The following TNR variants were observed in gnomAD, a reference collection of about 807,000 sequenced individuals.
TNR encodes the protein tenascin-R.
A neutral mutation model predicts 150.4 loss-of-function variants in TNR; 45 were observed. The observed-to-expected ratio is 0.30, with a 90% CI of 0.24 to 0.38. The LOEUF is 0.38. TNR is among the 10% of genes least tolerant of loss of function. The pLI is 1.00. For synonymous variants in TNR, 687 were observed against 678.4 expected (o/e 1.01, Z -0.20); for missense variants, 1,544 against 1,759.1 (o/e 0.88, Z 2.19).
At chr1:175,458,383 C>CA (rs1382109785) in intron 2 of TNR, among the ~76,000 whole-genome samples, 8 of 152,198 alleles carry the variant, frequency 5.3e-5, no homozygotes, top group African/African-American at 1.9e-4. Context: ...TTAAGAAGGA[C>CA]AAGGCATGCA....
At chr1:175,352,609 T>A (rs938932087) in intron 18 of TNR, among the ~76,000 whole-genome samples, 2 of 152,126 alleles carry the variant, frequency 1.3e-5, no homozygotes, top group Non-Finnish European at 2.9e-5. Flanking sequence ...GGAGCATAAT[T>A]GACTCCAGCC....
chr1:175,575,685 G>C (rs1368004897), intron 1 of TNR, among the ~76,000 whole-genome samples: 1 of 152,214 alleles, frequency 6.6e-6, no homozygotes, highest in Non-Finnish European at 1.5e-5. Flanking sequence ...TTGAAGGCTA[G>C]ATTGAATGTA....
intron 1 of TNR, among the ~76,000 whole-genome samples, chr1:175,725,269 A>C (rs968491795): frequency 6.6e-6 from 1 of 152,228 alleles, no homozygotes; most frequent in Non-Finnish European, 1.5e-5. Context: ...TGAACTTCCC[A>C]ATCTCTAGAA....
intron 20 of TNR, among the ~76,000 whole-genome samples, chr1:175,330,762 C>T (rs550004867): frequency 6.6e-6 from 1 of 152,322 alleles, no homozygotes; most frequent in African/African-American, 2.4e-5. Flanking sequence ...CTTCCTGGGG[C>T]TCCATAGCCA....
chr1:175,452,429 A>G (rs1204417149), intron 2 of TNR, among the ~76,000 whole-genome samples: 1 of 152,266 alleles, frequency 6.6e-6, no homozygotes, highest in Non-Finnish European at 1.5e-5. Flanking sequence ...GGGCTGCTGC[A>G]ACCCAGGTGG....
chr1:175,405,976 A>G (rs1653938173), intron 3 of TNR, among the ~76,000 whole-genome samples: 1 of 152,200 alleles, frequency 6.6e-6, no homozygotes, highest in South Asian at 2.1e-4. Flanking sequence ...CTGGCTATGC[A>G]GTGTAGAAAA....
At chr1:175,405,336 T>C (rs1191860239) in intron 3 of TNR, among the ~76,000 whole-genome samples, 1 of 152,172 alleles carries the variant, frequency 6.6e-6, no homozygotes, top group African/African-American at 2.4e-5. Context: ...GCACCATTTG[T>C]AGATGAGGAA....
intron 9 of TNR, among the ~76,000 whole-genome samples, chr1:175,372,579 T>C (rs1652157830): frequency 6.6e-6 from 1 of 152,214 alleles, no homozygotes; most frequent in African/African-American, 2.4e-5. Context: ...TCACCTGCAG[T>C]GCAAGGACTG....
chr1:175,447,993 C>T (rs1392275146), intron 2 of TNR, among the ~76,000 whole-genome samples: 1 of 152,168 alleles, frequency 6.6e-6, no homozygotes, highest in Non-Finnish European at 1.5e-5. Context: ...CTATCAGTGT[C>T]ACGCTGCTCA....
intron 9 of TNR, among the ~76,000 whole-genome samples, chr1:175,370,522 A>G (rs1446434675): frequency 1.3e-5 from 2 of 151,558 alleles, no homozygotes; most frequent in East Asian, 3.9e-4. Flanking sequence ...GGCAGTGAGG[A>G]CCTTCTCCCT....
intron 2 of TNR, among the ~76,000 whole-genome samples, chr1:175,436,405 T>C (rs1234754506): frequency 6.6e-6 from 1 of 152,216 alleles, no homozygotes; most frequent in East Asian, 1.9e-4. Flanking sequence ...CCATCACTGA[T>C]ACCCTTTCTT....
At chr1:175,331,078 C>CTTTCCTTCTTTCTTTCT (rs57439733) in intron 20 of TNR, among the ~76,000 whole-genome samples, 1 of 59,916 alleles carries the variant, frequency 1.7e-5, no homozygotes, top group African/African-American at 6.3e-5. Flanking sequence ...TCTTTCTTTC[C>CTTTCCTTCTTTCTTTCT]TTCTTTCTTT....
At chr1:175,375,099 G>A (rs1557893515) in intron 9 of TNR, among the ~76,000 whole-genome samples, 2 of 151,986 alleles carry the variant, frequency 1.3e-5, no homozygotes, top group Non-Finnish European at 2.9e-5. Flanking sequence ...ATTGCAATCA[G>A]CAACTAAAAA....
intron 7 of TNR, among the ~76,000 whole-genome samples, chr1:175,388,179 G>A (rs73043556): frequency 0.019 from 2,911 of 152,116 alleles, 89 homozygotes; most frequent in African/African-American, 0.067. Context: ...CAGTAAATGT[G>A]TGTCGAGTAA....
At chr1:175,640,705 G>A (rs775675186) in intron 1 of TNR, among the ~76,000 whole-genome samples, 1 of 151,628 alleles carries the variant, frequency 6.6e-6, no homozygotes, top group Non-Finnish European at 1.5e-5. Context: ...ACCCTTTAAA[G>A]TACCTGGGCT....
In TNR at chr1:175,514,957, A is replaced by AT. The variant is rs143638447; in HGVS notation, c.-64+13311dup. Among the ~76,000 whole-genome samples the AT allele has an allele frequency of 1.1e-3, 171 of 151,878 alleles. 1 individual carries two copies. In the East Asian group the frequency reaches 0.023, roughly 21 times the overall value. Reference sequence around the variant, plus strand: ...ACATCTCGTCCATGCTACCCAGTCTATTTTTTTTCAGATAAAGAGTGGGAG... The same window carrying AT: ...ACATCTCGTCCATGCTACCCAGTCTATTTTTTTTTCAGATAAAGAGTGGGAG... On this transcript the variant is annotated intron_variant, in intron 2 of 22. Coordinates refer to ENST00000367674, the MANE Select transcript of TNR (RefSeq NM_003285.3).
chr1:175,374,135 G>T (rs1427996942), intron 9 of TNR, among the ~76,000 whole-genome samples: 1 of 152,216 alleles, frequency 6.6e-6, no homozygotes, highest in Non-Finnish European at 1.5e-5. Context: ...GCCCATCAGG[G>T]AGTGCAGACA....
At chr1:175,569,203 T>C (rs1405908065) in intron 1 of TNR, among the ~76,000 whole-genome samples, 2 of 152,194 alleles carry the variant, frequency 1.3e-5, no homozygotes, top group Non-Finnish European at 2.9e-5. Context: ...TTTTCTCTTA[T>C]TTAATTAGAG....
chr1:175,454,765 C>T (rs974996609), intron 2 of TNR, among the ~76,000 whole-genome samples: 1 of 152,188 alleles, frequency 6.6e-6, no homozygotes, highest in African/African-American at 2.4e-5. Context: ...AGCCACCATG[C>T]CGGTCTGGTT....
Sources: gnomAD v4.1 joint callset for allele counts (sites outside exome capture counted in the v4.1 genomes callset) on GRCh38, gnomAD v4.1.1 for gene constraint, MANE v1.5 for transcripts, NCBI Gene and HGNC (gene_info 2026-07-23, HGNC 2026-07-21) for gene names.